CCDC170: variants seen among roughly 807,000 people sequenced by gnomAD.
The protein encoded by CCDC170 is coiled-coil domain-containing protein 170.
In CCDC170, 69 loss-of-function variants were observed where a neutral mutation model predicts 72.6. That is an observed-to-expected ratio of 0.95 (90% confidence interval 0.78 to 1.16). The LOEUF is 1.16. Among genes scored for constraint, CCDC170 ranks in the 50% most tolerant of loss-of-function variants. CCDC170 has a pLI of 0.00. For synonymous variants in CCDC170, 300 were observed against 303.9 expected (o/e 0.99, Z 0.13); for missense variants, 852 against 832.5 (o/e 1.02, Z -0.29).
At chr6:151,556,283 C>T (rs1359178971) in intron 5 of CCDC170, among the ~76,000 whole-genome samples, 1 of 152,018 alleles carries the variant, frequency 6.6e-6, no homozygotes, top group African/African-American at 2.4e-5. Context: ...TGGTGAAACC[C>T]CATCTCTACC....
intron 1 of CCDC170, among the ~76,000 whole-genome samples, chr6:151,512,556 T>C (rs1782165121): frequency 6.6e-6 from 1 of 152,168 alleles, no homozygotes; most frequent in Non-Finnish European, 1.5e-5. Flanking sequence ...AACCCCAGGG[T>C]AAAAGCATGG....
intron 4 of CCDC170, among the ~76,000 whole-genome samples, chr6:151,546,110 A>G (rs1459425266): frequency 6.6e-6 from 1 of 152,110 alleles, no homozygotes; most frequent in Non-Finnish European, 1.5e-5. Flanking sequence ...ACCACCTCTC[A>G]GGTGTCTACT....
chr6:151,553,729 T>A lies in CCDC170; in HGVS notation c.774+5240T>A, dbSNP rs185936159. ...AAGTTCCTGCCAAAATCATAAAAAT[T>A]GTAAAAAAAAAAATTATATGGGCAA... On this transcript the variant is annotated intron_variant, in intron 5 of 10. Transcript: ENST00000239374. Among the ~76,000 whole-genome samples the A allele has an allele frequency of 4.0e-5, 6 of 151,588 alleles. No homozygotes were observed. In the East Asian group the frequency reaches 1.2e-3, roughly 29 times the overall value.
At chr6:151,555,291 C>T (rs978812894) in intron 5 of CCDC170, among the ~76,000 whole-genome samples, 4 of 152,178 alleles carry the variant, frequency 2.6e-5, no homozygotes, top group Non-Finnish European at 4.4e-5. Flanking sequence ...GTCTGGCACA[C>T]AATTGGTGTT....
At chr6:151,497,045 A>G (rs1402895319) in intron 1 of CCDC170, among the ~76,000 whole-genome samples, 2 of 152,244 alleles carry the variant, frequency 1.3e-5, no homozygotes, top group East Asian at 1.9e-4. Context: ...CACCATCTCA[A>G]TAGTCAGTGT....
intron 6 of CCDC170, among the ~76,000 whole-genome samples, chr6:151,579,795 G>A (rs75067782): frequency 0.052 from 7,981 of 152,326 alleles, 286 homozygotes; most frequent in Middle Eastern, 0.088. Context: ...GTACACTGGA[G>A]CAGTAACCCT....
At chr6:151,580,061 T>C (rs1231951742) in intron 6 of CCDC170, among the ~76,000 whole-genome samples, 1 of 152,158 alleles carries the variant, frequency 6.6e-6, no homozygotes, top group East Asian at 1.9e-4. Context: ...ACTCCCTTAG[T>C]CTAACTTACT....
chr6:151,563,842 C>T (rs1233326111), intron 5 of CCDC170, among the ~76,000 whole-genome samples: 1 of 152,150 alleles, frequency 6.6e-6, no homozygotes, highest in East Asian at 1.9e-4. Flanking sequence ...GGGCTCTGAG[C>T]TTCTCAGGGG....
At chr6:151,533,536 A>G (rs1222541531) in intron 1 of CCDC170, among the ~76,000 whole-genome samples, 1 of 151,832 alleles carries the variant, frequency 6.6e-6, no homozygotes, top group African/African-American at 2.4e-5. Flanking sequence ...GCGTGGTGGC[A>G]CATGCCTGTA....
At chr6:151,596,730 A>G in intron 9 of CCDC170, 153 bp downstream of exon 9, 1 of 1,066,358 alleles carries the variant, frequency 9.4e-7, no homozygotes. Context: ...CAAAAATGAC[A>G]CAAATCAGGG....
intron 2 of CCDC170, among the ~76,000 whole-genome samples, chr6:151,536,927 AT>A (rs1782598378): frequency 6.6e-6 from 1 of 152,082 alleles, no homozygotes; most frequent in Non-Finnish European, 1.5e-5. Flanking sequence ...AAAGTTATGC[AT>A]TTGCCAGATT....
intron 1 of CCDC170, among the ~76,000 whole-genome samples, chr6:151,524,215 C>T (rs937279536): frequency 1.3e-5 from 2 of 152,222 alleles, no homozygotes; most frequent in African/African-American, 4.8e-5. Flanking sequence ...CCATTGCAGG[C>T]ATGTCTGGGC....
chr6:151,607,137 T>G (rs965602177), intron 9 of CCDC170, among the ~76,000 whole-genome samples: 6 of 152,124 alleles, frequency 3.9e-5, no homozygotes, highest in African/African-American at 1.4e-4. Flanking sequence ...CATTTTGTTG[T>G]TTGTTTGTGG....
At chr6:151,606,998 C>T (rs1272108582) in intron 9 of CCDC170, among the ~76,000 whole-genome samples, 1 of 151,950 alleles carries the variant, frequency 6.6e-6, no homozygotes, top group Non-Finnish European at 1.5e-5. Flanking sequence ...TGTGTCTTTA[C>T]AGGTGAAGTT....
intron 9 of CCDC170, among the ~76,000 whole-genome samples, chr6:151,599,780 G>A (rs9383588): frequency 0.4 from 60,813 of 151,878 alleles, 17,295 homozygotes; most frequent in African/African-American, 0.78. Context: ...AAGCATGTGC[G>A]GATCATGGTG....
chr6:151,505,769 C>G lies in CCDC170; in HGVS notation c.57+11584C>G, dbSNP rs950411514. On this transcript the variant is annotated intron_variant, in intron 1 of 10. Transcript: ENST00000239374. ...AAACCATGCTTTTGAAATTGTAATT[C>G]TACTTCTGTTCCAGAAAGCCTACTT... is the stretch of plus-strand genomic sequence containing the variant. Among the ~76,000 whole-genome samples the G allele has an allele frequency of 4.6e-5, 7 of 152,090 alleles. 1 individual carries two copies. Among genetic ancestry groups the G allele is most frequent in the Admixed American group, 2.0e-4 (3 of 15,264 alleles).
At chr6:151,509,234 C>T (rs540815680) in intron 1 of CCDC170, among the ~76,000 whole-genome samples, 1 of 151,512 alleles carries the variant, frequency 6.6e-6, no homozygotes, top group African/African-American at 2.4e-5. Flanking sequence ...ATCTATCTAT[C>T]TATCTATCTA....
At chr6:151,541,777 G>T (rs1413190677) in intron 3 of CCDC170, among the ~76,000 whole-genome samples, 1 of 146,124 alleles carries the variant, frequency 6.8e-6, no homozygotes, top group Non-Finnish European at 1.5e-5. Context: ...AATGACTTTA[G>T]GTAGTGTACT....
intron 1 of CCDC170, among the ~76,000 whole-genome samples, chr6:151,501,794 G>A (rs1274560749): frequency 6.6e-6 from 1 of 152,156 alleles, no homozygotes; most frequent in East Asian, 1.9e-4. Context: ...CTTGAATTGA[G>A]TTGACTAATA....
Sources: gnomAD v4.1 joint callset for allele counts (sites outside exome capture counted in the v4.1 genomes callset) on GRCh38, gnomAD v4.1.1 for gene constraint, MANE v1.5 for transcripts, NCBI Gene and HGNC (gene_info 2026-07-23, HGNC 2026-07-21) for gene names.